Variants in FRRS1 observed in about 807,000 individuals in gnomAD.
The protein encoded by FRRS1 is ferric reductase 1.
FRRS1 carries 51 observed loss-of-function variants against 70.7 expected under a neutral mutation model. The ratio of observed to expected loss-of-function variants is 0.72; its 90% confidence interval spans 0.58 to 0.91. The LOEUF (loss-of-function observed/expected upper bound fraction) is 0.91. FRRS1 is among the 40% of genes least tolerant of loss of function. The pLI is 0.00. For missense variants in FRRS1, 672 were observed against 726.0 expected (o/e 0.93, Z 0.86); for synonymous variants, 225 against 238.7 (o/e 0.94, Z 0.53).
rs1571119941 is a variant in FRRS1 at position 99,730,865 on chromosome 1, T to A, written c.760-1117A>T. On this transcript the variant is annotated intron_variant, in intron 7 of 16. Transcript: ENST00000646001. ...CTGGGCAACAGAGCGAAACTCAGTCTCAAAAAAAAAAAAAAAAAAAATCAG... is the reference window on the plus strand; with the variant it reads ...CTGGGCAACAGAGCGAAACTCAGTCACAAAAAAAAAAAAAAAAAAAATCAG... Among the ~76,000 whole-genome samples, 7 of 68,396 alleles carry A rather than the reference T, an allele frequency of 1.0e-4. No individual in the cohort carries two copies. The East Asian group carries it at 1.7e-3, about 17-fold the overall frequency. 44.9% of individuals were successfully genotyped at this position (68,396 alleles called of 152,430 possible).
intron 6 of FRRS1, 34 bp from the exon 7 acceptor site, chr1:99,738,302 T>G (rs1354485651): frequency 1.3e-6 from 2 of 1,522,484 alleles, no homozygotes; most frequent in Non-Finnish European, 1.8e-6. Context: ...AAAATCTTAA[T>G]TATCAAACAA....
At chr1:99,713,922 G>A (rs913219976) in intron 12 of FRRS1, among the ~76,000 whole-genome samples, 1 of 152,076 alleles carries the variant, frequency 6.6e-6, no homozygotes, top group African/African-American at 2.4e-5. Context: ...GAAGGTGAGG[G>A]AGTAATGGAA....
At chr1:99,740,982 C>A in intron 5 of FRRS1, 42 bp from the exon 6 acceptor site, 1 of 1,560,916 alleles carries the variant, frequency 6.4e-7, no homozygotes, top group Non-Finnish European at 8.8e-7. Flanking sequence ...TAATTGTGTC[C>A]TGTCACAATC....
chr1:99,763,703 T>C (rs370072173), intron 1 of FRRS1, among the ~76,000 whole-genome samples: 1 of 151,836 alleles, frequency 6.6e-6, no homozygotes, highest in East Asian at 1.9e-4. Context: ...ACCCCTTCTC[T>C]ACTAAAAATA....
intron 1 of FRRS1, among the ~76,000 whole-genome samples, chr1:99,758,489 T>G (rs1484668023): frequency 4.6e-5 from 7 of 152,226 alleles, no homozygotes; most frequent in Admixed American, 4.6e-4. Context: ...CAAATAATAC[T>G]TTTATAATTT....
intron 1 of FRRS1, among the ~76,000 whole-genome samples, chr1:99,758,812 A>G (rs1174780347): frequency 6.6e-6 from 1 of 152,182 alleles, no homozygotes; most frequent in African/African-American, 2.4e-5. Context: ...AGCAAGGAAT[A>G]TTAATATTAA....
rs1173576564 is a variant in FRRS1, at chr1:99,707,724, T to G, written c.*1304A>C. Among the ~76,000 whole-genome samples the G allele has an allele frequency of 6.6e-6, 1 of 152,204 alleles. No individual in the cohort carries two copies. Among genetic ancestry groups the G allele is most frequent in the Admixed American group, 6.5e-5 (1 of 15,282 alleles). On this transcript the variant is annotated 3_prime_UTR_variant, in exon 17 of 17. Coordinates refer to ENST00000646001, the MANE Select transcript of FRRS1 (RefSeq NM_001361041.2). The stretch of plus-strand genomic sequence containing the variant: ...AAACAGGAACAAAGCAGTGCAGTAC[T>G]TCGGTATTACAGCGCCACCCACTGG...
chr1:99,719,792 T>C, intron 9 of FRRS1, 145 bp from the exon 10 acceptor site: 2 of 582,268 alleles, frequency 3.4e-6, no homozygotes, highest in Admixed American at 3.3e-5. Context: ...GTCATTCATA[T>C]GCAAAAGCAA....
rs897360200 is a variant in FRRS1 at position 99,704,173 on chromosome 1, G to T, written c.*4855C>A. ...GATCCTCACAGCTGCTCTGTGAGAT[G>T]GGCTTTACAGATGAAAGAATAGAGC... On this transcript the variant is annotated 3_prime_UTR_variant, in exon 17 of 17. Transcript: ENST00000646001. 6.6e-6 allele frequency among the ~76,000 whole-genome samples: 1 copy of T among 152,142 alleles called. No individual in the cohort carries two copies. Among genetic ancestry groups the T allele is most frequent in the Non-Finnish European group, 1.5e-5 (1 of 68,028 alleles).
chr1:99,753,716 G>A (rs536078760), intron 1 of FRRS1, among the ~76,000 whole-genome samples: 20 of 151,696 alleles, frequency 1.3e-4, no homozygotes, highest in Non-Finnish European at 2.5e-4. Context: ...AGCTTGCAGT[G>A]AGCTGTGATC....
At chr1:99,755,049 G>C (rs1376252959) in intron 1 of FRRS1, among the ~76,000 whole-genome samples, 1 of 151,784 alleles carries the variant, frequency 6.6e-6, no homozygotes, top group African/African-American at 2.4e-5. Flanking sequence ...CAACATAAAA[G>C]GAGCTTAAGA....
intron 14 of FRRS1, 96 bp from the exon 15 acceptor site, chr1:99,711,045 A>AT (rs1571090200): frequency 3.9e-6 from 4 of 1,022,830 alleles, no homozygotes; most frequent in Non-Finnish European, 5.6e-6. Context: ...AAACATACTA[A>AT]AAGAGTTTGA....
chr1:99,754,487 AAGAG>A (rs1204934716), intron 1 of FRRS1, among the ~76,000 whole-genome samples: 1 of 121,302 alleles, frequency 8.2e-6, no homozygotes, highest in Non-Finnish European at 1.7e-5. Context: ...CCTTGTCTCA[AAGAG>A]AGAGAGAGAG....
At position 99,706,736 on chromosome 1, in the gene FRRS1, A is replaced by C. The variant is rs1654047070; in HGVS notation, c.*2292T>G. On this transcript the variant is annotated 3_prime_UTR_variant, in exon 17 of 17. Transcript: ENST00000646001. ...TGTGAAACCCCCGTCTCTACTAAAA[A>C]TATAAAAATTAGCCGAGACTGGTGG... is the stretch of plus-strand genomic sequence containing the variant. Among the ~76,000 whole-genome samples, 1 of 152,112 alleles carries C rather than the reference A, an allele frequency of 6.6e-6. No homozygotes were observed. Among genetic ancestry groups the C allele is most frequent in the African/African-American group, 2.4e-5 (1 of 41,412 alleles).
In FRRS1 at chr1:99,712,403, A is replaced by G. The variant is rs368065148; in HGVS notation, c.1421+15T>C. ...CTACATTAAGAGAGCATTTATATAGAAAGGCTCTAAGTACCTTGGGTCATG... is the reference window on the plus strand; with the variant it reads ...CTACATTAAGAGAGCATTTATATAGGAAGGCTCTAAGTACCTTGGGTCATG... On this transcript the variant is annotated intron_variant, in intron 13 of 16. Transcript: ENST00000646001. 20 of 1,528,872 alleles carry G rather than the reference A, an allele frequency of 1.3e-5. No homozygotes were observed. Among genetic ancestry groups the G allele is most frequent in the East Asian group, 6.7e-5 (3 of 44,484 alleles). 94.7% of individuals were successfully genotyped at this position (1,528,872 alleles called of 1,614,324 possible).
intron 12 of FRRS1, among the ~76,000 whole-genome samples, chr1:99,713,711 C>T (rs1485582113): frequency 2.0e-5 from 3 of 152,194 alleles, no homozygotes; most frequent in Admixed American, 1.3e-4. Flanking sequence ...TTACTGAGTA[C>T]CTGCTATATA....
chr1:99,744,074 A>AAAAG, intron 4 of FRRS1, among the ~76,000 whole-genome samples: 1 of 144,126 alleles, frequency 6.9e-6, no homozygotes, highest in South Asian at 2.1e-4. Flanking sequence ...TAAAAAAAAA[A>AAAAG]AAAAGAAAGA....
intron 1 of FRRS1, among the ~76,000 whole-genome samples, chr1:99,755,859 G>A (rs1336857473): frequency 1.3e-5 from 2 of 152,220 alleles, no homozygotes; most frequent in African/African-American, 4.8e-5. Context: ...CATCGATTAG[G>A]AAAATATAAC....
In FRRS1 at chr1:99,708,715, C is replaced by T. The variant is rs1244921622; in HGVS notation, c.*313G>A. ...TGACATCTGTTGTGATTTTCCAAAT[C>T]ACTATTTATTTTCTTAAATACCAAC... On this transcript the variant is annotated 3_prime_UTR_variant, in exon 17 of 17. Transcript: ENST00000646001. 7 of 383,662 alleles carry T rather than the reference C, an allele frequency of 1.8e-5. No individual in the cohort carries two copies. The highest frequency in any genetic ancestry group is 1.4e-4 in the Admixed American group (3 of 21,464). 23.8% of individuals were successfully genotyped at this position (383,662 alleles called of 1,614,324 possible).
Sources: gnomAD v4.1 joint callset for allele counts (sites outside exome capture counted in the v4.1 genomes callset) on GRCh38, gnomAD v4.1.1 for gene constraint, MANE v1.5 for transcripts, NCBI Gene and HGNC (gene_info 2026-07-23, HGNC 2026-07-21) for gene names.